PRF1: variants seen among roughly 807,000 people sequenced by gnomAD.
The protein encoded by PRF1 is perforin-1.
PRF1 carries 11 observed loss-of-function variants against 11.7 expected under a neutral mutation model. That is an observed-to-expected ratio of 0.94 (90% CI 0.59 to 1.56). PRF1 has a LOEUF of 1.56. Ranked by LOEUF, PRF1 falls within the 40% of genes most tolerant of loss-of-function variation. The pLI is 0.00. For synonymous variants in PRF1, 314 were observed against 327.8 expected (o/e 0.96, Z 0.45); for missense variants, 729 against 751.0 (o/e 0.97, Z 0.34).
rs1158131736 is a variant in PRF1 at position 70,598,228 on chromosome 10, T to C, written c.1493A>G (p.Asp498Gly). The change falls in exon 3 of 3, where the codon GAT becomes GGT. Residue 498 changes from aspartate to glycine, a missense_variant. By Grantham distance (94) the Asp-to-Gly change is moderately conservative. Transcript: ENST00000441259. The stretch of plus-strand genomic sequence containing the variant: ...ATGGGAACCAGACTTGGGAGCCTGA[T>C]CACAGGTGCCAAGGAGGTCATCGTC... Reference protein sequence around the residue: ...GRDDDLLGTCDQAPKSGSHEV... With the variant: ...GRDDDLLGTCGQAPKSGSHEV... 4 of 1,614,186 alleles carry C rather than the reference T, an allele frequency of 2.5e-6. No individual in the cohort carries two copies. Among genetic ancestry groups the C allele is most frequent in the Non-Finnish European group, 3.4e-6 (4 of 1,180,024 alleles).
Position 70,598,384 on chromosome 10 carries a change from T to G in PRF1, c.1337A>C (p.Gln446Pro), listed in dbSNP as rs751161742. Residue 446 changes from glutamine (Q) to proline (P), a missense_variant, in exon 3 of 3, where the codon CAG becomes CCG. By Grantham distance (76) the Gln-to-Pro change is moderately conservative. Coordinates refer to ENST00000441259, the MANE Select transcript of PRF1 (RefSeq NM_001083116.3). ...DAYVKLFFGG[Q>P]ELRTSTVWDN... ...CCACACGGTGCTCGTCCTCAGCTCC[T>G]GGCCACCAAAGAAGAGCTTCACATA... 5.0e-6 allele frequency: 8 copies of G among 1,614,138 alleles called. No individual in the cohort carries two copies. The Admixed American group carries it at 6.7e-5, about 13-fold the overall frequency.
In PRF1 at chr10:70,599,195, G is replaced by A. The variant is rs1166750198; in HGVS notation, c.540-14C>T. 8.7e-6 allele frequency: 14 copies of A among 1,613,978 alleles called. No homozygotes were observed. The highest frequency in any genetic ancestry group is 1.3e-5 in the African/African-American group (1 of 74,926). On this transcript the variant is annotated splice_polypyrimidine_tract_variant and intron_variant, in intron 2 of 2. Coordinates refer to ENST00000441259, the MANE Select transcript of PRF1 (RefSeq NM_001083116.3). ...ACCACATGGAAACTGCGAGAAGAGA[G>A]AGACCTCAGCTGGGCCCAGGGGAGT...
At chr10:70,601,768 G>T (rs1459289573) in intron 1 of PRF1, among the ~76,000 whole-genome samples, 1 of 135,380 alleles carries the variant, frequency 7.4e-6, no homozygotes, top group South Asian at 2.4e-4. Flanking sequence ...GGCGGAGGTT[G>T]CAGTGAGCCA....
rs971289303 is a variant in PRF1, at chr10:70,598,786, T to C, written c.935A>G (p.Asn312Ser). ...GGCCTGGATCCCGAACAGCAGGTCG[T>C]TAATGGAGGTGTGATGGCCGCCAAC... Reference protein sequence around the residue: ...EVVGGHHTSINDLLFGIQAGP... With the variant: ...EVVGGHHTSISDLLFGIQAGP... The change falls in exon 3 of 3, where the codon AAC becomes AGC. Residue 312 changes from asparagine to serine, a missense_variant. Transcript: ENST00000441259. 6.2e-7 allele frequency: 1 copy of C among 1,614,136 alleles called. No homozygotes were observed. Among genetic ancestry groups the C allele is most frequent in the Non-Finnish European group, 8.5e-7 (1 of 1,180,020 alleles).
intron 2 of PRF1, among the ~76,000 whole-genome samples, chr10:70,599,944 T>G (rs1048819758): frequency 2.0e-5 from 3 of 152,178 alleles, no homozygotes; most frequent in Non-Finnish European, 4.4e-5. Context: ...AGTGGATGAT[T>G]GAAGCTCAGA....
Position 70,597,936 on chromosome 10 carries a change from G to T in PRF1, c.*117C>A, listed in dbSNP as rs146571282. On this transcript the variant is annotated 3_prime_UTR_variant, in exon 3 of 3. Coordinates refer to ENST00000441259, the MANE Select transcript of PRF1 (RefSeq NM_001083116.3). ...GCCGCATTCAAAGCCATCCTGGGCC[G>T]CATGCGGGCCTCGGGTTGGACAAGC... The T allele has an allele frequency of 6.0e-6, 8 of 1,339,504 alleles. No individual in the cohort carries two copies. The highest frequency in any genetic ancestry group is 5.0e-4 in the Middle Eastern group (2 of 4,026). 83.0% of individuals were successfully genotyped at this position (1,339,504 alleles called of 1,614,324 possible).
In PRF1 at chr10:70,600,383, C is replaced by T. The variant is rs752946887; in HGVS notation, c.520G>A (p.Val174Met). 4 of 1,614,178 alleles carry T rather than the reference C, an allele frequency of 2.5e-6. No homozygotes were observed. The highest frequency in any genetic ancestry group is 1.7e-5 in the Admixed American group (1 of 60,020). ...TCTCACCTGTAGAAGCGGCACTCCA[C>T]CGTGTCAGTGCTGAAGCTGTACTGG... is the stretch of plus-strand genomic sequence containing the variant. ...QDQYSFSTDT[V>M]ECRFYSFHVV... The change falls in exon 2 of 3, where the codon GTG becomes ATG. Residue 174 changes from valine (V) to methionine (M), a missense_variant. Transcript: ENST00000441259. This position sits in a 1 kb window ranked among gnomAD's most constrained non-coding sequence, Gnocchi z 4.9.
Position 70,598,272 on chromosome 10 carries a change from C to T in PRF1, c.1449G>A (p.Trp483Ter). The T allele has an allele frequency of 6.2e-7, 1 of 1,614,236 alleles. No individual in the cohort carries two copies. The highest frequency in any genetic ancestry group is 8.5e-7 in the Non-Finnish European group (1 of 1,180,042). Residue 483 changes from tryptophan to a stop codon, truncating the protein, a stop_gained, in exon 3 of 3, where the codon TGG (tryptophan) becomes TGA (stop). Coordinates refer to ENST00000441259, the MANE Select transcript of PRF1 (RefSeq NM_001083116.3). LOFTEE classifies it low-confidence loss of function (END_TRUNC). ...CATCGTCCCTGCCAGAGTCCTGATC[C>T]CAGACCTGCAACCTCAGGGGCCCCC... ...ATGGPLRLQV[W>*]DQDSGRDDDL...
At chr10:70,601,065 T>C (rs752472795) in intron 1 of PRF1, 133 bp from the exon 2 acceptor site, 6 of 1,334,856 alleles carry the variant, frequency 4.5e-6, no homozygotes, top group Non-Finnish European at 6.1e-6. Context: ...AGAGCTGGTA[T>C]GTCCCTTATA....
chr10:70,600,946 G>A lies in PRF1; in HGVS notation c.-30-14C>T. The A allele has an allele frequency of 1.3e-6, 2 of 1,550,168 alleles. No individual in the cohort carries two copies. Among genetic ancestry groups the A allele is most frequent in the Non-Finnish European group, 8.7e-7 (1 of 1,149,688 alleles). On this transcript the variant is annotated splice_polypyrimidine_tract_variant and intron_variant, in intron 1 of 2. Coordinates refer to ENST00000441259, the MANE Select transcript of PRF1 (RefSeq NM_001083116.3). The surrounding 1 kb of genome is among the most constrained non-coding windows in gnomAD (Gnocchi z 4.9). ...GGCACTTGGGCTCTGGGAAGCCATG[G>A]GTGGAGGGATGGAGGATGACTGCTC... is the stretch of plus-strand genomic sequence containing the variant.
At chr10:70,599,650 C>T (rs572829641) in intron 2 of PRF1, among the ~76,000 whole-genome samples, 124 of 152,136 alleles carry the variant, frequency 8.2e-4, no homozygotes, top group Middle Eastern at 6.8e-3. Flanking sequence ...TGGTATCTGT[C>T]GAACTTTGGA....
At chr10:70,599,233 C>A in intron 2 of PRF1, 52 bp from the exon 3 acceptor site, 1 of 1,603,478 alleles carries the variant, frequency 6.2e-7, no homozygotes, top group South Asian at 1.1e-5. Flanking sequence ...TTCCCCCATT[C>A]AATCAAATAA....
In PRF1 at chr10:70,598,061, C is replaced by A. The variant is rs768505698; in HGVS notation, c.1660G>T (p.Val554Leu). 6.2e-7 allele frequency: 1 copy of A among 1,613,368 alleles called. No individual in the cohort carries two copies. The highest frequency in any genetic ancestry group is 2.2e-5 in the East Asian group (1 of 44,866). The change falls in exon 3 of 3, where the codon GTG (valine) becomes TTG (leucine). Residue 554 changes from valine (V) to leucine (L), a missense_variant. Transcript: ENST00000441259. ...GEPPGNRSGA[V>L]W The stretch of plus-strand genomic sequence containing the variant: ...TTCCAAGCTCACTGTTCTCACCACA[C>A]GGCCCCACTCCGGTTTCCTGGAGGC...
rs1021071251 is a variant in PRF1 at position 70,598,743 on chromosome 10, T to G, written c.978A>C (p.Ser326=). The G allele has an allele frequency of 6.2e-7, 1 of 1,614,090 alleles. No homozygotes were observed. Among genetic ancestry groups the G allele is most frequent in the African/African-American group, 1.3e-5 (1 of 74,924 alleles). ...FGIQAGPEQY[S]AWVNSLPGSP... Reference sequence around the variant, plus strand: ...TGCCGGGCAGCGAGTTTACCCAGGCTGAGTACTGCTCGGGCCCGGCCTGGA... The same window carrying G: ...TGCCGGGCAGCGAGTTTACCCAGGCGGAGTACTGCTCGGGCCCGGCCTGGA... Residue 326 remains serine (S), a synonymous_variant, in exon 3 of 3, where the codon TCA becomes TCC. Coordinates refer to ENST00000441259, the MANE Select transcript of PRF1 (RefSeq NM_001083116.3).
chr10:70,598,627 C>A lies in PRF1; in HGVS notation c.1094G>T (p.Ser365Ile), dbSNP rs1848167381. 1 of 1,613,170 alleles carries A rather than the reference C, an allele frequency of 6.2e-7. No homozygotes were observed. Among genetic ancestry groups the A allele is most frequent in the Non-Finnish European group, 8.5e-7 (1 of 1,179,924 alleles). ...PRREALRRAL[S>I]QYLTDRARWR... ...GCGAGCCCTGTCCGTCAGGTACTGA[C>A]TCAGGGCCCTCCTCAGTGCCTCCCG... The change falls in exon 3 of 3, where the codon AGT becomes ATT. Residue 365 changes from serine to isoleucine, a missense_variant. Physicochemically the swap from Ser to Ile is moderately radical, Grantham distance 142 (BLOSUM62 -2). Coordinates refer to ENST00000441259, the MANE Select transcript of PRF1 (RefSeq NM_001083116.3).
At position 70,601,840 on chromosome 10, in the gene PRF1, A is replaced by AAAAAAAGAGAAAGAAAAAAAAG. The variant is rs55649452; in HGVS notation, c.-31+804_-31+805insCTTTTTTTTCTTTCTCTTTTTT. Among the ~76,000 whole-genome samples, 3 of 97,762 alleles carry AAAAAAAGAGAAAGAAAAAAAAG rather than the reference A, an allele frequency of 3.1e-5. 1 individual carries two copies. Among genetic ancestry groups the AAAAAAAGAGAAAGAAAAAAAAG allele is most frequent in the Non-Finnish European group, 5.8e-5 (3 of 51,370 alleles). The allele number at this position is 97,762 out of a possible 152,430, so 64.1% of individuals were successfully genotyped here. On this transcript the variant is annotated intron_variant, in intron 1 of 2. Transcript: ENST00000441259. ...TAAGACTCTGCCTCAAAAAAAAAAA[A>AAAAAAAGAGAAAGAAAAAAAAG]AAAAAGGGGCAGACCTGACCACACC...
Position 70,598,740 on chromosome 10 carries a change from G to A in PRF1, c.981C>T (p.Ala327=). The part of the protein sequence containing the change: ...GIQAGPEQYS[A]WVNSLPGSPG... ...GGCTGCCGGGCAGCGAGTTTACCCA[G>A]GCTGAGTACTGCTCGGGCCCGGCCT... Residue 327 remains alanine (A), a synonymous_variant, in exon 3 of 3, where the codon GCC becomes GCT. Transcript: ENST00000441259. 6.2e-7 allele frequency: 1 copy of A among 1,614,252 alleles called. No homozygotes were observed. Among genetic ancestry groups the A allele is most frequent in the Non-Finnish European group, 8.5e-7 (1 of 1,180,050 alleles).
chr10:70,598,790 T>C lies in PRF1; in HGVS notation c.931A>G (p.Ile311Val). ...TGGATCCCGAACAGCAGGTCGTTAA[T>C]GGAGGTGTGATGGCCGCCAACCACT... ...SEVVGGHHTS[I>V]NDLLFGIQAG... is the part of the protein sequence containing the mutation. The change falls in exon 3 of 3, where the codon ATT becomes GTT. Residue 311 changes from isoleucine to valine, a missense_variant. Coordinates refer to ENST00000441259, the MANE Select transcript of PRF1 (RefSeq NM_001083116.3). 6.2e-6 allele frequency: 10 copies of C among 1,614,180 alleles called. No homozygotes were observed. The highest frequency in any genetic ancestry group is 7.6e-6 in the Non-Finnish European group (9 of 1,180,030).
At position 70,600,365 on chromosome 10, in the gene PRF1, T is replaced by C; in HGVS notation, c.538A>G (p.Ser180Gly). The change falls in exon 2 of 3, where the codon AGT (serine) becomes GGT (glycine). Residue 180 changes from serine to glycine, a missense_variant and splice_region_variant. By Grantham distance (56) the Ser-to-Gly change is moderately conservative. Transcript: ENST00000441259. This position sits in a 1 kb window ranked among gnomAD's most constrained non-coding sequence, Gnocchi z 4.9. The stretch of plus-strand genomic sequence containing the variant: ...CCCACCCCTAGCCCCAGCTCTCACC[T>C]GTAGAAGCGGCACTCCACCGTGTCA... ...STDTVECRFY[S>G]FHVVHTPPLH... 6.2e-7 allele frequency: 1 copy of C among 1,614,090 alleles called. No homozygotes were observed. The highest frequency in any genetic ancestry group is 8.5e-7 in the Non-Finnish European group (1 of 1,180,000).
Sources: allele counts gnomAD v4.1 joint callset (sites outside exome capture counted in the v4.1 genomes callset), GRCh38; gene constraint gnomAD v4.1.1; non-coding constraint Gnocchi (gnomAD v3.1); transcripts MANE v1.5; gene names NCBI Gene and HGNC (gene_info 2026-07-23, HGNC 2026-07-21).